The following C8B variants were observed in gnomAD, a reference collection of about 807,000 sequenced individuals.
The protein encoded by C8B is complement component C8 beta chain.
C8B carries 67 observed loss-of-function variants against 64.6 expected under a neutral mutation model. The ratio of observed to expected loss-of-function variants is 1.04; its 90% confidence interval spans 0.85 to 1.27. The LOEUF (loss-of-function observed/expected upper bound fraction) is 1.27, where lower values mean the gene tolerates loss of function less well. C8B is among the 50% of genes most tolerant of loss of function. The pLI is 0.00. For missense variants in C8B, 790 were observed against 725.2 expected, an observed-to-expected ratio of 1.09 and a Z score of -1.03; for synonymous variants, 284 against 257.7, an observed-to-expected ratio of 1.10 and a Z score of -0.98.
chr1:56,956,728 C>T (rs759678226), intron 3 of C8B, 41 bp downstream of exon 3: 2 of 1,610,234 alleles, frequency 1.2e-6, no homozygotes, highest in East Asian at 2.2e-5. Context: ...ACCATTACCT[C>T]ATTTCAGGCT....
chr1:56,949,602 C>T lies in C8B; in HGVS notation c.817G>A (p.Asp273Asn). 1.2e-6 allele frequency: 2 copies of T among 1,614,044 alleles called. No homozygotes were observed. Among genetic ancestry groups the T allele is most frequent in the South Asian group, 2.2e-5 (2 of 91,066 alleles). ...CTCCTAATATAGTGTTTGCCTCGAT[C>T]ACTTTGACTACTGATGCCAAGTTCA... ...IFELGISSQS[D>N]RGKHYIRRTK... The change falls in exon 6 of 12, where the codon GAT (aspartate) becomes AAT (asparagine). Residue 273 changes from aspartate to asparagine, a missense_variant. Transcript: ENST00000371237.
chr1:56,953,048 A>G (rs1384622322), intron 4 of C8B, among the ~76,000 whole-genome samples: 1 of 152,222 alleles, frequency 6.6e-6, no homozygotes, highest in Non-Finnish European at 1.5e-5. Flanking sequence ...CAAACACAGC[A>G]GTGGGTAGCT....
At chr1:56,930,254 A>C (rs1300686361) in intron 11 of C8B, among the ~76,000 whole-genome samples, 2 of 152,232 alleles carry the variant, frequency 1.3e-5, no homozygotes, top group Non-Finnish European at 2.9e-5. Flanking sequence ...AACAGACACC[A>C]GTGCTTTCCA....
chr1:56,947,267 T>C (rs187123026), intron 6 of C8B, among the ~76,000 whole-genome samples: 1 of 152,278 alleles, frequency 6.6e-6, no homozygotes, highest in Admixed American at 6.5e-5. Flanking sequence ...TATAAGATCA[T>C]CACAATTTGT....
intron 9 of C8B, among the ~76,000 whole-genome samples, chr1:56,939,958 A>T (rs568492913): frequency 1.3e-5 from 2 of 152,136 alleles, no homozygotes; most frequent in African/African-American, 2.4e-5. Flanking sequence ...GGTCGTGAAT[A>T]TATTAGGTGC....
At chr1:56,947,377 C>G (rs988430828) in intron 6 of C8B, among the ~76,000 whole-genome samples, 1 of 152,212 alleles carries the variant, frequency 6.6e-6, no homozygotes, top group Non-Finnish European at 1.5e-5. Flanking sequence ...ATTCATCCAA[C>G]TTTTCACTGT....
intron 9 of C8B, among the ~76,000 whole-genome samples, chr1:56,934,164 C>CTTTTTTTTTTTTT (rs60467453): frequency 1.4e-5 from 2 of 143,420 alleles, no homozygotes; most frequent in African/African-American, 2.6e-5. Context: ...GTGCAGGGTC[C>CTTTTTTTTTTTTT]TTTTTTTTTT....
chr1:56,954,007 T>A (rs1182873062), intron 4 of C8B, among the ~76,000 whole-genome samples: 1 of 152,200 alleles, frequency 6.6e-6, no homozygotes. Flanking sequence ...TAAATCCCAT[T>A]CGGGGTCAGT....
chr1:56,938,951 G>C (rs1644812522), intron 9 of C8B, among the ~76,000 whole-genome samples: 1 of 152,106 alleles, frequency 6.6e-6, no homozygotes, highest in African/African-American at 2.4e-5. Context: ...CTCAGGGTGG[G>C]AAGGTACAGA....
At chr1:56,952,320 C>T (rs550012517) in intron 4 of C8B, 140 bp from the exon 5 acceptor site, 16 of 1,181,850 alleles carry the variant, frequency 1.4e-5, no homozygotes, top group East Asian at 9.4e-5. Flanking sequence ...GCCAGCTTTC[C>T]AGCTTCATTT....
chr1:56,946,486 C>T (rs904430589), intron 6 of C8B, among the ~76,000 whole-genome samples: 5 of 152,190 alleles, frequency 3.3e-5, no homozygotes, highest in East Asian at 1.9e-4. Flanking sequence ...GCTATGACAG[C>T]GTATGGCAGG....
At position 56,952,881 on chromosome 1, in the gene C8B, T is replaced by A. The variant is rs116276062; in HGVS notation, c.534-701A>T. Among the ~76,000 whole-genome samples the A allele has an allele frequency of 4.7e-3, 713 of 152,320 alleles. 5 individuals are homozygous for A. Among genetic ancestry groups the A allele is most frequent in the African/African-American group, 0.016 (671 of 41,576 alleles). Reference sequence around the variant, plus strand: ...TTTATGAAGTCCTTAAAACACTACTTGGTCCGCGATAAATGTGCTATTTAT... The same window carrying A: ...TTTATGAAGTCCTTAAAACACTACTAGGTCCGCGATAAATGTGCTATTTAT... On this transcript the variant is annotated intron_variant, in intron 4 of 11. Transcript: ENST00000371237.
At chr1:56,965,383 G>GAA (rs1481588188) in intron 1 of C8B, among the ~76,000 whole-genome samples, 1 of 99,366 alleles carries the variant, frequency 1.0e-5, no homozygotes, top group Non-Finnish European at 2.1e-5. Context: ...GGGGGTGAGA[G>GAA]AGAGAGAGAG....
intron 4 of C8B, 43 bp downstream of exon 4, chr1:56,954,643 T>C: frequency 6.2e-7 from 1 of 1,612,758 alleles, no homozygotes; most frequent in Non-Finnish European, 8.5e-7. Flanking sequence ...TTCCATTTAA[T>C]GCTGTGCCTT....
chr1:56,933,279 C>T lies in C8B; in HGVS notation c.1552+56G>A, dbSNP rs150123331. ...CAGAAGCAGGCAAATGGCTGGCCCC[C>T]GGCCTGCTTCAGATTATGGCTTCCA... On this transcript the variant is annotated intron_variant, in intron 10 of 11. Coordinates refer to ENST00000371237, the MANE Select transcript of C8B (RefSeq NM_000066.4). 2,911 of 1,471,254 alleles carry T rather than the reference C, an allele frequency of 2.0e-3. 6 individuals are homozygous for T. Among genetic ancestry groups the T allele is most frequent in the Non-Finnish European group, 2.4e-3 (2,501 of 1,051,010 alleles). The allele number at this position is 1,471,254 out of a possible 1,614,324, so 91.1% of individuals were successfully genotyped here.
chr1:56,944,322 A>G (rs1644911130), intron 7 of C8B, among the ~76,000 whole-genome samples: 1 of 152,148 alleles, frequency 6.6e-6, no homozygotes, highest in Non-Finnish European at 1.5e-5. Context: ...TTTTTGGACT[A>G]TTTCCTACTT....
Position 56,943,913 on chromosome 1 carries a change from T to C in C8B, c.1106-89A>G, listed in dbSNP as rs1415260002. 2.0e-6 allele frequency: 3 copies of C among 1,481,204 alleles called. No homozygotes were observed. The East Asian group carries it at 6.9e-5, about 34-fold the overall frequency. The allele number at this position is 1,481,204 out of a possible 1,614,324, so 91.8% of individuals were successfully genotyped here. On this transcript the variant is annotated intron_variant, in intron 7 of 11. Coordinates refer to ENST00000371237, the MANE Select transcript of C8B (RefSeq NM_000066.4). The stretch of plus-strand genomic sequence containing the variant: ...GATCGAGTCCAGAGGCCTAGCCCTG[T>C]TGAATGTCACAAGGACTCGGGTTCA...
intron 3 of C8B, 98 bp from the exon 4 acceptor site, chr1:56,954,925 C>A (rs1045310489): frequency 3.6e-6 from 5 of 1,388,898 alleles, no homozygotes; most frequent in African/African-American, 2.8e-5. Flanking sequence ...TTTTGTCAGG[C>A]CTTGCATGCT....
chr1:56,959,428 G>T, intron 2 of C8B: 1 of 721,904 alleles, frequency 1.4e-6, no homozygotes, highest in Non-Finnish European at 2.5e-6. Flanking sequence ...TAGGGCTGAG[G>T]AGGAGTCAAA....
Sources: gnomAD v4.1 joint callset for allele counts (sites outside exome capture counted in the v4.1 genomes callset) on GRCh38, gnomAD v4.1.1 for gene constraint, MANE v1.5 for transcripts, NCBI Gene and HGNC (gene_info 2026-07-23, HGNC 2026-07-21) for gene names.